ISM1: variants seen among roughly 807,000 people sequenced by gnomAD.
ISM1 encodes isthmin-1.
In ISM1, 25 loss-of-function variants were observed where a neutral mutation model predicts 46.3. That is an observed-to-expected ratio of 0.54 (90% CI 0.39 to 0.75). The LOEUF is 0.75. Ranked by LOEUF, ISM1 falls within the 30% of genes least tolerant of loss-of-function variation. ISM1 has a pLI of 0.00. For missense variants in ISM1, 536 were observed against 625.4 expected (o/e 0.86, Z 1.52); for synonymous variants, 255 against 256.7 (o/e 0.99, Z 0.06).
At chr20:13,241,410 G>A (rs368305502) in intron 1 of ISM1, among the ~76,000 whole-genome samples, 2 of 152,184 alleles carry the variant, frequency 1.3e-5, no homozygotes, top group South Asian at 4.1e-4. Flanking sequence ...CAATAGAAAG[G>A]GAGAGATTGA....
intron 4 of ISM1, among the ~76,000 whole-genome samples, chr20:13,290,421 G>A (rs543934730): frequency 6.6e-5 from 10 of 152,280 alleles, no homozygotes; most frequent in Admixed American, 2.6e-4. Context: ...AGGCCGAGGC[G>A]GGCAGATCAC....
In ISM1 at chr20:13,279,848, A is replaced by G. The variant is rs747741497; in HGVS notation, c.593A>G (p.His198Arg). ...CTCAACCCCCCCAGGGGGTGGGACC[A>G]TACAGCCCCAGGCCACCGGACTTTT... ...NFLNPPRGWDHTAPGHRTFET... is the reference protein window; with the variant it reads ...NFLNPPRGWDRTAPGHRTFET... Residue 198 changes from histidine to arginine, a missense_variant, in exon 3 of 6, where the codon CAT becomes CGT. By Grantham distance (29) the His-to-Arg change is conservative. Transcript: ENST00000262487. 18 of 1,613,824 alleles carry G rather than the reference A, an allele frequency of 1.1e-5. No individual in the cohort carries two copies. Among genetic ancestry groups the G allele is most frequent in the South Asian group, 8.8e-5 (8 of 91,078 alleles).
intron 1 of ISM1, among the ~76,000 whole-genome samples, chr20:13,250,203 G>A (rs1371556215): frequency 6.6e-6 from 1 of 152,116 alleles, no homozygotes; most frequent in Non-Finnish European, 1.5e-5. Context: ...TTTCTGGGAT[G>A]GCCTAGGTTT....
chr20:13,301,443 C>T (rs896734091), downstream of ISM1, among the ~76,000 whole-genome samples: 3 of 152,152 alleles, frequency 2.0e-5, no homozygotes, highest in Non-Finnish European at 4.4e-5. Flanking sequence ...CCTGCCTTGG[C>T]CTCCCAAAGC....
At chr20:13,237,353 A>G (rs1256483571) in intron 1 of ISM1, among the ~76,000 whole-genome samples, 1 of 152,282 alleles carries the variant, frequency 6.6e-6, no homozygotes, top group Non-Finnish European at 1.5e-5. Flanking sequence ...TGCCATCAAC[A>G]GAATGGATAA....
intron 3 of ISM1, among the ~76,000 whole-genome samples, chr20:13,280,428 A>G (rs4814213): frequency 0.46 from 66,500 of 145,584 alleles, 16,080 homozygotes; most frequent in African/African-American, 0.65. Context: ...CTCCAAGTTG[A>G]GAGATCTGGT....
chr20:13,293,834 C>T (rs1430315362), intron 5 of ISM1, among the ~76,000 whole-genome samples: 3 of 151,898 alleles, frequency 2.0e-5, no homozygotes, highest in Non-Finnish European at 2.9e-5. Context: ...ATTAGCTGGG[C>T]TTGGTGGCAG....
chr20:13,273,242 T>TTTATTTTATTTTA (rs1367800041), intron 2 of ISM1, among the ~76,000 whole-genome samples: 1 of 150,652 alleles, frequency 6.6e-6, no homozygotes, highest in Non-Finnish European at 1.5e-5. Context: ...TTTATTTTAT[T>TTTATTTTATTTTA]TTATTTTATT....
chr20:13,291,780 G>A (rs2040355430), intron 4 of ISM1, among the ~76,000 whole-genome samples: 1 of 152,162 alleles, frequency 6.6e-6, no homozygotes, highest in Admixed American at 6.5e-5. Flanking sequence ...TCCTCAGTGA[G>A]CTAGACAAAG....
chr20:13,308,855 T>C, the ISM1 span, among the ~76,000 whole-genome samples: 1 of 152,094 alleles, frequency 6.6e-6, no homozygotes, highest in Non-Finnish European at 1.5e-5. Flanking sequence ...TTAGCATCCT[T>C]ACAAAAGGGA....
intron 1 of ISM1, among the ~76,000 whole-genome samples, chr20:13,252,893 A>G (rs992109700): frequency 1.3e-5 from 2 of 152,122 alleles, no homozygotes; most frequent in African/African-American, 4.8e-5. Flanking sequence ...ACTGACAGAT[A>G]ATTTCTCCTC....
At chr20:13,275,173 T>C (rs1479832343) in intron 2 of ISM1, among the ~76,000 whole-genome samples, 2 of 152,142 alleles carry the variant, frequency 1.3e-5, no homozygotes, top group Non-Finnish European at 2.9e-5. Flanking sequence ...TCAACCCATA[T>C]ATTTATTTCT....
At chr20:13,235,913 T>C (rs964239143) in intron 1 of ISM1, among the ~76,000 whole-genome samples, 1 of 150,974 alleles carries the variant, frequency 6.6e-6, no homozygotes, top group Non-Finnish European at 1.5e-5. Context: ...CTGTGCATAG[T>C]ATATTGTACT....
chr20:13,247,523 T>G (rs1007733696), intron 1 of ISM1, among the ~76,000 whole-genome samples: 7 of 113,940 alleles, frequency 6.1e-5, no homozygotes, highest in South Asian at 3.1e-4. Flanking sequence ...GAGGGGTGTG[T>G]GTGTGTGTGT....
intron 1 of ISM1, among the ~76,000 whole-genome samples, chr20:13,259,874 C>T (rs1480159727): frequency 6.6e-6 from 1 of 152,216 alleles, no homozygotes; most frequent in Admixed American, 6.5e-5. Flanking sequence ...CCTTTTGCTT[C>T]ATTTCCAAGT....
the ISM1 span, among the ~76,000 whole-genome samples, chr20:13,315,235 A>C: frequency 6.6e-6 from 1 of 152,090 alleles, no homozygotes; most frequent in African/African-American, 2.4e-5. Flanking sequence ...TAAATATACC[A>C]ATTGAAAAAC....
intron 4 of ISM1, among the ~76,000 whole-genome samples, chr20:13,289,612 A>C (rs183032506): frequency 1.3e-5 from 2 of 152,132 alleles, no homozygotes; most frequent in Non-Finnish European, 2.9e-5. Context: ...GAGAAGAAGA[A>C]AGAGAAGGAG....
chr20:13,323,684 T>C, the ISM1 span, among the ~76,000 whole-genome samples: 1 of 152,242 alleles, frequency 6.6e-6, no homozygotes, highest in Non-Finnish European at 1.5e-5. Flanking sequence ...TTCTTATACA[T>C]GTCATGGACT....
chr20:13,245,388 T>G (rs1476083544), intron 1 of ISM1: 1 of 152,218 alleles, frequency 6.6e-6, no homozygotes, highest in African/African-American at 2.4e-5. Context: ...AAAAAGAGTA[T>G]GAGCAAGACA....
Sources: gnomAD v4.1 joint callset for allele counts (sites outside exome capture counted in the v4.1 genomes callset) on GRCh38, gnomAD v4.1.1 for gene constraint, MANE v1.5 for transcripts, NCBI Gene and HGNC (gene_info 2026-07-23, HGNC 2026-07-21) for gene names.